Variants in BLNK observed in about 807,000 individuals in gnomAD.
The protein encoded by BLNK is B-cell linker protein.
Under a neutral mutation model 73.5 loss-of-function variants are expected in BLNK, and 29 were observed. The ratio of observed to expected loss-of-function variants is 0.39; its 90% CI spans 0.29 to 0.54. BLNK has a LOEUF of 0.54. Among genes scored for constraint, BLNK ranks in the 20% least tolerant of loss-of-function variants. The probability of loss-of-function intolerance (pLI) is 0.61; values close to 1 mark genes in which losing one functional copy is unlikely to be tolerated. For synonymous variants in BLNK, 176 were observed against 200.8 expected, an observed-to-expected ratio of 0.88 and a Z score of 1.04; for missense variants, 460 against 562.8, an observed-to-expected ratio of 0.82 and a Z score of 1.85.
chr10:96,255,713 GTCC>G (rs1239146413), intron 1 of BLNK, among the ~76,000 whole-genome samples: 8 of 152,094 alleles, frequency 5.3e-5, no homozygotes, highest in Non-Finnish European at 1.2e-4. Flanking sequence ...TCATAGGCTG[GTCC>G]TCCTCTCTGA....
chr10:96,241,397 G>A (rs1352447359), intron 3 of BLNK, among the ~76,000 whole-genome samples: 1 of 152,168 alleles, frequency 6.6e-6, no homozygotes, highest in Non-Finnish European at 1.5e-5. Context: ...ATAAAGAAAT[G>A]TGTATTGAAT....
At chr10:96,231,389 A>G (rs781915345) in intron 3 of BLNK, among the ~76,000 whole-genome samples, 90 of 152,196 alleles carry the variant, frequency 5.9e-4, no homozygotes, top group Non-Finnish European at 1.2e-3. Context: ...CAATATTATC[A>G]GAGCTTTGCC....
intron 3 of BLNK, among the ~76,000 whole-genome samples, chr10:96,236,950 A>G (rs1842711742): frequency 6.6e-6 from 1 of 152,246 alleles, no homozygotes. Flanking sequence ...GTCCTGGCTC[A>G]GCCATCACCT....
intron 5 of BLNK, among the ~76,000 whole-genome samples, chr10:96,226,509 A>AG (rs1289686095): frequency 1.3e-5 from 2 of 152,184 alleles, no homozygotes; most frequent in Non-Finnish European, 2.9e-5. Flanking sequence ...TGGGGAACTT[A>AG]GTCACCTGCC....
chr10:96,217,300 G>C (rs1289858527), intron 6 of BLNK, among the ~76,000 whole-genome samples: 1 of 152,130 alleles, frequency 6.6e-6, no homozygotes, highest in Admixed American at 6.5e-5. Context: ...TTTTTGTGTA[G>C]ACATGCATTT....
Position 96,200,903 on chromosome 10 carries a change from A to T in BLNK, c.1011+79T>A. On this transcript the variant is annotated intron_variant, in intron 14 of 16. Transcript: ENST00000224337. The surrounding 1 kb of genome is among the most constrained non-coding windows in gnomAD (Gnocchi z 4.3). ...TCTCTGTTCTCAAGGTTCACTCCAAATGTCTTCTTCTCAGAAGACATGCTC... is the reference window on the plus strand; with the variant it reads ...TCTCTGTTCTCAAGGTTCACTCCAATTGTCTTCTTCTCAGAAGACATGCTC... 1 of 1,295,436 alleles carries T rather than the reference A, an allele frequency of 7.7e-7. No homozygotes were observed. Among genetic ancestry groups the T allele is most frequent in the South Asian group, 1.2e-5 (1 of 84,556 alleles). The allele number at this position is 1,295,436 out of a possible 1,614,324, so 80.2% of individuals were successfully genotyped here. A position where few individuals can be genotyped will look rare whatever the true frequency, so the allele number is the denominator to read the frequency against.
chr10:96,242,871 G>C, intron 2 of BLNK, 87 bp from the exon 3 acceptor site: 2 of 1,079,110 alleles, frequency 1.9e-6, no homozygotes, highest in Admixed American at 1.7e-5. Flanking sequence ...AGACAGAATA[G>C]ATAGACAACT....
At chr10:96,206,448 C>T (rs2083810113) in intron 11 of BLNK, among the ~76,000 whole-genome samples, 1 of 150,100 alleles carries the variant, frequency 6.7e-6, no homozygotes, top group Non-Finnish European at 1.5e-5. Context: ...ACTCAGGAGG[C>T]TGAGGCAGAA....
chr10:96,254,328 G>T (rs537853929), intron 1 of BLNK, among the ~76,000 whole-genome samples: 1 of 152,272 alleles, frequency 6.6e-6, no homozygotes, highest in South Asian at 2.1e-4. Context: ...AGAAGGAATC[G>T]GCTGTGGTTG....
intron 3 of BLNK, among the ~76,000 whole-genome samples, chr10:96,240,831 G>T (rs587737122): frequency 6.6e-6 from 1 of 152,192 alleles, no homozygotes; most frequent in African/African-American, 2.4e-5. Context: ...TTTATAATTT[G>T]TCCATCAAAC....
At chr10:96,221,405 TC>T (rs1177555691) in intron 6 of BLNK, among the ~76,000 whole-genome samples, 2 of 152,248 alleles carry the variant, frequency 1.3e-5, no homozygotes, top group African/African-American at 4.8e-5. Flanking sequence ...CTTGACTTCT[TC>T]TTTTCCCAAC....
In BLNK at chr10:96,189,412, T is replaced by C; in HGVS notation, c.*2561A>G. On this transcript the variant is annotated 3_prime_UTR_variant, in exon 17 of 17. Transcript: ENST00000224337. Reference sequence around the variant, plus strand: ...TCTTGAATAGTCTCCTGGTCAGTTGTCCGGAAGCAATTCTTCACATAATTG... The same window carrying C: ...TCTTGAATAGTCTCCTGGTCAGTTGCCCGGAAGCAATTCTTCACATAATTG... The C allele has an allele frequency of 1.7e-6, 1 of 597,474 alleles. No homozygotes were observed. The allele number at this position is 597,474 out of a possible 1,614,324, so 37.0% of individuals were successfully genotyped here.
chr10:96,255,418 A>T (rs1843468332), intron 1 of BLNK, among the ~76,000 whole-genome samples: 1 of 152,226 alleles, frequency 6.6e-6, no homozygotes, highest in South Asian at 2.1e-4. Flanking sequence ...TAGAAATAAG[A>T]TCATAAAACA....
chr10:96,249,817 T>A (rs780954099), intron 1 of BLNK, among the ~76,000 whole-genome samples: 6 of 152,242 alleles, frequency 3.9e-5, no homozygotes, highest in African/African-American at 1.4e-4. Context: ...CTGCTGTCCC[T>A]GAATCTTCAG....
chr10:96,266,463 G>A (rs553197188), intron 1 of BLNK, among the ~76,000 whole-genome samples: 1 of 152,370 alleles, frequency 6.6e-6, no homozygotes, highest in East Asian at 1.9e-4. Flanking sequence ...CATGCCCAGA[G>A]TGGGTGAGGA....
chr10:96,210,129 G>C, intron 8 of BLNK: 1 of 592,364 alleles, frequency 1.7e-6, no homozygotes, highest in East Asian at 3.0e-5. Flanking sequence ...AGCTGGGATG[G>C]GGGTTAGGGA....
intron 6 of BLNK, among the ~76,000 whole-genome samples, chr10:96,217,102 G>A (rs1591318062): frequency 6.6e-6 from 1 of 152,200 alleles, no homozygotes; most frequent in South Asian, 2.1e-4. Context: ...CTTTCACTTA[G>A]TATAATGTTT....
At position 96,189,919 on chromosome 10, in the gene BLNK, C is replaced by A; in HGVS notation, c.*2054G>T. 1.0e-6 allele frequency: 1 copy of A among 996,166 alleles called. No homozygotes were observed. The highest frequency in any genetic ancestry group is 1.6e-6 in the Non-Finnish European group (1 of 631,446). 61.7% of individuals were successfully genotyped at this position (996,166 alleles called of 1,614,324 possible). A position where few individuals can be genotyped will look rare whatever the true frequency, so the allele number is the denominator to read the frequency against. On this transcript the variant is annotated 3_prime_UTR_variant, in exon 17 of 17. Transcript: ENST00000224337. ...GCACTGGCCCTGAACCACACTTCAA[C>A]CATAAAAGCACTGGTGGTGTTATTT...
intron 8 of BLNK, among the ~76,000 whole-genome samples, 172 bp downstream of exon 8, chr10:96,215,149 G>C (rs1468009875): frequency 6.6e-6 from 1 of 152,164 alleles, no homozygotes; most frequent in African/African-American, 2.4e-5. Flanking sequence ...AAAGGCCTGG[G>C]GAAATGGCCA....
Sources: allele counts gnomAD v4.1 joint callset (sites outside exome capture counted in the v4.1 genomes callset), GRCh38; gene constraint gnomAD v4.1.1; non-coding constraint Gnocchi (gnomAD v3.1); transcripts MANE v1.5; gene names NCBI Gene and HGNC (gene_info 2026-07-23, HGNC 2026-07-21).